Variants in SHISA9 observed in about 807,000 individuals in gnomAD.
SHISA9 encodes shisa family member 9, also known as protein shisa-9.
SHISA9 carries 13 observed loss-of-function variants against 38.0 expected under a neutral mutation model. That is an observed-to-expected ratio of 0.34 (90% confidence interval 0.22 to 0.54). The LOEUF is 0.54. Ranked by LOEUF, SHISA9 falls within the 20% of genes least tolerant of loss-of-function variation. SHISA9 has a pLI of 0.91. For missense variants in SHISA9, 538 were observed against 575.8 expected, an observed-to-expected ratio of 0.93 and a Z score of 0.67; for synonymous variants, 275 against 242.0, an observed-to-expected ratio of 1.14 and a Z score of -1.27.
the SHISA9 span, among the ~76,000 whole-genome samples, chr16:13,299,815 A>G: frequency 1.3e-5 from 2 of 152,002 alleles, no homozygotes; most frequent in Admixed American, 1.3e-4. Flanking sequence ...AATCTTTGCT[A>G]TGCCACTCCC....
the SHISA9 span, among the ~76,000 whole-genome samples, chr16:13,468,860 A>G: frequency 6.6e-6 from 1 of 151,904 alleles, no homozygotes; most frequent in African/African-American, 2.4e-5. Flanking sequence ...TGTTTTATAT[A>G]TGTATGTGCA....
chr16:13,492,025 T>TC, the SHISA9 span, among the ~76,000 whole-genome samples: 3 of 151,360 alleles, frequency 2.0e-5, no homozygotes. Context: ...AATAGAAGTA[T>TC]CTGCCTGTTT....
chr16:13,418,762 G>A, the SHISA9 span, among the ~76,000 whole-genome samples: 4 of 152,180 alleles, frequency 2.6e-5, no homozygotes, highest in East Asian at 5.8e-4. Context: ...GCACCATAAG[G>A]ACTATAAGTA....
chr16:13,120,424 G>A (rs2074074331), intron 2 of SHISA9, among the ~76,000 whole-genome samples: 1 of 152,154 alleles, frequency 6.6e-6, no homozygotes, highest in Non-Finnish European at 1.5e-5. Context: ...GCACCACCAG[G>A]CTGCATGGAA....
chr16:13,428,675 G>T, the SHISA9 span, among the ~76,000 whole-genome samples: 1 of 152,130 alleles, frequency 6.6e-6, no homozygotes, highest in Non-Finnish European at 1.5e-5. Flanking sequence ...TTAATGAAGG[G>T]TCTTGTCTGT....
the SHISA9 span, among the ~76,000 whole-genome samples, chr16:13,425,791 A>G: frequency 2.0e-5 from 3 of 152,232 alleles, no homozygotes; most frequent in Non-Finnish European, 4.4e-5. Flanking sequence ...CTACCTTGGA[A>G]AAACTCATTT....
intron 2 of SHISA9, among the ~76,000 whole-genome samples, chr16:13,143,085 C>T (rs937920266): frequency 6.6e-6 from 1 of 151,560 alleles, no homozygotes; most frequent in African/African-American, 2.4e-5. Flanking sequence ...CGACTCACTG[C>T]AACCTCTGCC....
chr16:13,279,229 T>A, the SHISA9 span, among the ~76,000 whole-genome samples: 79 of 152,154 alleles, frequency 5.2e-4, no homozygotes, highest in African/African-American at 1.8e-3. Context: ...TGATTTCCAG[T>A]TTTATTCTAC....
At chr16:13,023,754 A>G (rs1290327762) in intron 2 of SHISA9, among the ~76,000 whole-genome samples, 1 of 152,118 alleles carries the variant, frequency 6.6e-6, no homozygotes, top group African/African-American at 2.4e-5. Flanking sequence ...TTTGATTTGC[A>G]TTTCTCTGAT....
At chr16:13,028,575 T>G (rs141099787) in intron 2 of SHISA9, among the ~76,000 whole-genome samples, 51 of 152,256 alleles carry the variant, frequency 3.3e-4, no homozygotes, top group African/African-American at 1.2e-3. Context: ...TGGGGGAAAC[T>G]GCCTCCATGA....
the SHISA9 span, among the ~76,000 whole-genome samples, chr16:13,288,545 C>T: frequency 6.6e-6 from 1 of 152,200 alleles, no homozygotes; most frequent in South Asian, 2.1e-4. Context: ...CCTATAATCC[C>T]AGCATTTTGG....
the SHISA9 span, among the ~76,000 whole-genome samples, chr16:13,465,126 G>A: frequency 1.3e-5 from 2 of 152,330 alleles, no homozygotes; most frequent in East Asian, 3.9e-4. Flanking sequence ...AGGGGGCTGG[G>A]TAGGTGGAGG....
chr16:13,402,716 C>T, the SHISA9 span, among the ~76,000 whole-genome samples: 9 of 152,158 alleles, frequency 5.9e-5, 1 homozygote, highest in South Asian at 4.2e-4. Flanking sequence ...TTCACCATCA[C>T]ACCCCGCTAG....
At chr16:13,529,454 A>T in the SHISA9 span, among the ~76,000 whole-genome samples, 4 of 152,250 alleles carry the variant, frequency 2.6e-5, no homozygotes, top group East Asian at 5.8e-4. Context: ...GTAAATCTCC[A>T]CTTCAAGATA....
chr16:13,082,651 T>C (rs1240302282), intron 2 of SHISA9: 1 of 152,148 alleles, frequency 6.6e-6, no homozygotes, highest in Non-Finnish European at 1.5e-5. Flanking sequence ...CTAAACCATA[T>C]GGCTAAGATT....
At chr16:13,049,156 ATGTGTGTG>A (rs10526925) in intron 2 of SHISA9, among the ~76,000 whole-genome samples, 2,840 of 63,852 alleles carry the variant, frequency 0.044, 32 homozygotes, top group Middle Eastern at 0.15. Flanking sequence ...GGTTAGGAGT[ATGTGTGTG>A]TGTGTGTGTG....
the SHISA9 span, among the ~76,000 whole-genome samples, chr16:13,305,289 A>G: frequency 2.0e-5 from 3 of 152,200 alleles, no homozygotes; most frequent in Non-Finnish European, 2.9e-5. Context: ...TCAGCTCTCA[A>G]AAAGTTTTAA....
At chr16:12,904,703 C>G (rs566675195) in intron 1 of SHISA9, among the ~76,000 whole-genome samples, 1 of 151,956 alleles carries the variant, frequency 6.6e-6, no homozygotes, top group Non-Finnish European at 1.5e-5. Flanking sequence ...TGCATACTCC[C>G]GAAAAGAGAG....
At chr16:13,010,076 G>A (rs569681619) in intron 2 of SHISA9, among the ~76,000 whole-genome samples, 33 of 152,242 alleles carry the variant, frequency 2.2e-4, no homozygotes, top group Middle Eastern at 3.4e-3. Flanking sequence ...TACTCGGGAG[G>A]CTGAGGCAGG....
Sources: allele counts gnomAD v4.1 joint callset (sites outside exome capture counted in the v4.1 genomes callset), GRCh38; gene constraint gnomAD v4.1.1; transcripts MANE v1.5; gene names NCBI Gene and HGNC (gene_info 2026-07-23, HGNC 2026-07-21).